The following ZBTB7C variants were observed in gnomAD, a reference collection of about 807,000 sequenced individuals.
ZBTB7C encodes zinc finger and BTB domain containing 7C.
In ZBTB7C, 8 loss-of-function variants were observed where a neutral mutation model predicts 25.7. The ratio of observed to expected loss-of-function variants is 0.31; its 90% confidence interval spans 0.18 to 0.56. The LOEUF (loss-of-function observed/expected upper bound fraction) is 0.56, where lower values mean the gene tolerates loss of function less well. Among genes scored for constraint, ZBTB7C ranks in the 20% least tolerant of loss-of-function variants. The pLI, the probability that ZBTB7C is intolerant of heterozygous loss-of-function variation, is 0.91. For synonymous variants in ZBTB7C, 394 were observed against 369.0 expected (o/e 1.07, Z -0.78); for missense variants, 824 against 855.2 (o/e 0.96, Z 0.46).
intron 2 of ZBTB7C, among the ~76,000 whole-genome samples, chr18:48,233,486 T>C (rs2043305524): frequency 6.6e-6 from 1 of 152,204 alleles, no homozygotes; most frequent in Non-Finnish European, 1.5e-5. Flanking sequence ...TACATAACAG[T>C]GGATATCCTA....
intron 3 of ZBTB7C, among the ~76,000 whole-genome samples, chr18:48,151,353 A>G (rs1419393500): frequency 6.6e-6 from 1 of 152,190 alleles, no homozygotes; most frequent in Non-Finnish European, 1.5e-5. Flanking sequence ...TACTGCCCTC[A>G]TATTTTGAAT....
chr18:48,340,040 A>G (rs1290865032), intron 1 of ZBTB7C, among the ~76,000 whole-genome samples: 1 of 152,216 alleles, frequency 6.6e-6, no homozygotes, highest in Non-Finnish European at 1.5e-5. Context: ...GCACATATAC[A>G]TTTCATATAC....
chr18:48,089,281 C>T (rs905690535), intron 3 of ZBTB7C, among the ~76,000 whole-genome samples: 1 of 151,792 alleles, frequency 6.6e-6, no homozygotes, highest in Admixed American at 6.6e-5. Flanking sequence ...CCAGCCTGGC[C>T]AACATGGTGA....
At chr18:48,148,465 T>C (rs2045648735) in intron 3 of ZBTB7C, 1 of 152,210 alleles carries the variant, frequency 6.6e-6, no homozygotes, top group African/African-American at 2.4e-5. Context: ...ATGCATCAGA[T>C]ATGACCAGAC....
At chr18:48,228,834 T>C (rs1292618741) in intron 2 of ZBTB7C, among the ~76,000 whole-genome samples, 3 of 151,226 alleles carry the variant, frequency 2.0e-5, no homozygotes, top group Non-Finnish European at 2.9e-5. Context: ...CCCCCACTTG[T>C]GCAGGTGTGC....
At chr18:48,281,450 A>G (rs1270678332) in intron 2 of ZBTB7C, among the ~76,000 whole-genome samples, 1 of 152,208 alleles carries the variant, frequency 6.6e-6, no homozygotes, top group Non-Finnish European at 1.5e-5. Flanking sequence ...AAAAGCCAAA[A>G]TTGACAAATG....
chr18:48,401,894 C>A (rs2048167024), intron 1 of ZBTB7C, among the ~76,000 whole-genome samples: 1 of 152,146 alleles, frequency 6.6e-6, no homozygotes, highest in Non-Finnish European at 1.5e-5. Flanking sequence ...GTCAGAGAAT[C>A]ATTTCACAGT....
chr18:48,070,316 G>A (rs2037496703), intron 3 of ZBTB7C, among the ~76,000 whole-genome samples: 1 of 152,150 alleles, frequency 6.6e-6, no homozygotes, highest in African/African-American at 2.4e-5. Flanking sequence ...TGGTTCTGGA[G>A]TCATCCTCAC....
chr18:48,095,980 G>A (rs972274183), intron 3 of ZBTB7C, among the ~76,000 whole-genome samples: 3 of 152,106 alleles, frequency 2.0e-5, no homozygotes, highest in African/African-American at 4.8e-5. Context: ...AGGCAGTGAC[G>A]GCTGTCACCA....
intron 3 of ZBTB7C, among the ~76,000 whole-genome samples, chr18:48,167,447 C>T (rs1180726927): frequency 6.6e-6 from 1 of 152,148 alleles, no homozygotes; most frequent in East Asian, 1.9e-4. Flanking sequence ...AGAAATGCAC[C>T]CTGAAAGCCT....
intron 3 of ZBTB7C, among the ~76,000 whole-genome samples, chr18:48,153,193 T>C (rs866819034): frequency 3.9e-5 from 6 of 152,258 alleles, no homozygotes; most frequent in African/African-American, 1.2e-4. Flanking sequence ...AGGCTAATTG[T>C]TCATTAGATG....
At chr18:48,033,064 C>G (rs888419829) in intron 4 of ZBTB7C, among the ~76,000 whole-genome samples, 1 of 152,164 alleles carries the variant, frequency 6.6e-6, no homozygotes, top group Non-Finnish European at 1.5e-5. Context: ...TAGCTTCAGA[C>G]CCACCACCAA....
chr18:48,157,179 GA>G (rs2040863857), intron 3 of ZBTB7C, among the ~76,000 whole-genome samples: 1 of 152,196 alleles, frequency 6.6e-6, no homozygotes, highest in Non-Finnish European at 1.5e-5. Context: ...ACTCTCTGAG[GA>G]GAGCTTTTCA....
chr18:48,140,634 C>A (rs2040311394), intron 3 of ZBTB7C, among the ~76,000 whole-genome samples: 2 of 152,112 alleles, frequency 1.3e-5, no homozygotes, highest in South Asian at 4.1e-4. Context: ...TCTTCCTGAA[C>A]CCAAGAGGGT....
chr18:48,126,784 G>T (rs1206267549), intron 3 of ZBTB7C, among the ~76,000 whole-genome samples: 1 of 152,118 alleles, frequency 6.6e-6, no homozygotes, highest in African/African-American at 2.4e-5. Context: ...CCCTTGTAAG[G>T]CTGAGCATTT....
chr18:48,156,669 A>C (rs2040848845), intron 3 of ZBTB7C, among the ~76,000 whole-genome samples: 1 of 152,184 alleles, frequency 6.6e-6, no homozygotes, highest in Non-Finnish European at 1.5e-5. Flanking sequence ...AAACAATAGG[A>C]AGCCTCATGG....
chr18:48,177,700 TG>T (rs1364352807), intron 3 of ZBTB7C, among the ~76,000 whole-genome samples: 4 of 152,020 alleles, frequency 2.6e-5, no homozygotes, highest in African/African-American at 9.7e-5. Flanking sequence ...TCCAAGAACT[TG>T]GGGCCAAGGC....
chr18:48,353,694 C>T (rs772171965), intron 1 of ZBTB7C, among the ~76,000 whole-genome samples: 2 of 152,192 alleles, frequency 1.3e-5, no homozygotes, highest in South Asian at 4.1e-4. Flanking sequence ...TCCTTTGTGA[C>T]AGCATGAAAA....
rs189502519 is a variant in ZBTB7C at position 48,183,946 on chromosome 18, C to G, written c.-17+1988G>C. On this transcript the variant is annotated intron_variant, in intron 3 of 4. Coordinates refer to ENST00000590800, the MANE Select transcript of ZBTB7C (RefSeq NM_001318841.2). ...TTACCCTGCTTCCCTCTCTCCTTGA[C>G]AAGTGTTTCCTAAGAGCTCTCCCTG... Among the ~76,000 whole-genome samples the G allele has an allele frequency of 2.8e-4, 42 of 152,274 alleles. No individual in the cohort carries two copies. In the East Asian group the frequency reaches 5.2e-3, roughly 19 times the overall value.
Sources: allele counts gnomAD v4.1 joint callset (sites outside exome capture counted in the v4.1 genomes callset), GRCh38; gene constraint gnomAD v4.1.1; transcripts MANE v1.5; gene names NCBI Gene and HGNC (gene_info 2026-07-23, HGNC 2026-07-21).